The following SHISA9 variants were observed in gnomAD, a reference collection of about 807,000 sequenced individuals.
The protein encoded by SHISA9 is shisa family member 9.
Under a neutral mutation model 38.0 loss-of-function variants are expected in SHISA9, and 13 were observed. The ratio of observed to expected loss-of-function variants is 0.34; its 90% CI spans 0.22 to 0.54. The LOEUF (loss-of-function observed/expected upper bound fraction) is 0.54. Ranked by LOEUF, SHISA9 falls within the 20% of genes least tolerant of loss-of-function variation. The pLI, the probability that SHISA9 is intolerant of heterozygous loss-of-function variation, is 0.91. For synonymous variants in SHISA9, 275 were observed against 242.0 expected, an observed-to-expected ratio of 1.14 and a Z score of -1.27; for missense variants, 538 against 575.8, an observed-to-expected ratio of 0.93 and a Z score of 0.67.
intron 2 of SHISA9, among the ~76,000 whole-genome samples, chr16:13,126,852 A>AGAAAGAGAGAGAGACTGAGG (rs2050262503): frequency 1.0e-5 from 1 of 97,068 alleles, no homozygotes; most frequent in Non-Finnish European, 2.2e-5. Context: ...ACTGAGGGAA[A>AGAAAGAGAGAGAGACTGAGG]GAAAGAGAGA....
chr16:13,039,433 A>C (rs1017091094), intron 2 of SHISA9, among the ~76,000 whole-genome samples: 1 of 151,128 alleles, frequency 6.6e-6, no homozygotes, highest in African/African-American at 2.4e-5. Context: ...TCTCATCCCC[A>C]GCTTCATTAT....
intron 4 of SHISA9, among the ~76,000 whole-genome samples, chr16:13,224,626 C>G (rs1320678442): frequency 2.0e-5 from 3 of 152,234 alleles, no homozygotes; most frequent in Non-Finnish European, 2.9e-5. Flanking sequence ...GACACAACCT[C>G]TGCCCTAAGT....
At chr16:12,961,991 C>T (rs916901829) in intron 2 of SHISA9, among the ~76,000 whole-genome samples, 8 of 152,198 alleles carry the variant, frequency 5.3e-5, no homozygotes, top group Non-Finnish European at 8.8e-5. Flanking sequence ...GGATCAGTGT[C>T]TGTCCCTGTG....
chr16:13,509,823 C>T, the SHISA9 span, among the ~76,000 whole-genome samples: 1 of 152,094 alleles, frequency 6.6e-6, no homozygotes, highest in Admixed American at 6.6e-5. Flanking sequence ...TTATGTGATA[C>T]TGTTGTGAGC....
At chr16:13,093,677 C>A (rs1287541431) in intron 2 of SHISA9, among the ~76,000 whole-genome samples, 1 of 152,110 alleles carries the variant, frequency 6.6e-6, no homozygotes, top group Non-Finnish European at 1.5e-5. Flanking sequence ...TGTCCAGGCG[C>A]CCACATGTGC....
chr16:13,204,141 TCTATC>T (rs2051037579), intron 3 of SHISA9, among the ~76,000 whole-genome samples: 1 of 82,366 alleles, frequency 1.2e-5, no homozygotes. Flanking sequence ...CTATTATCTA[TCTATC>T]TATCTATCTA....
At chr16:13,056,358 A>C (rs757440855) in intron 2 of SHISA9, among the ~76,000 whole-genome samples, 1 of 152,162 alleles carries the variant, frequency 6.6e-6, no homozygotes, top group Non-Finnish European at 1.5e-5. Flanking sequence ...AAGTCAAATT[A>C]TGCAATAGAG....
At chr16:13,007,179 C>A (rs1432749922) in intron 2 of SHISA9, among the ~76,000 whole-genome samples, 1 of 152,214 alleles carries the variant, frequency 6.6e-6, no homozygotes, top group East Asian at 1.9e-4. Flanking sequence ...TCTCGCTTGA[C>A]CTCTGGACTT....
chr16:13,189,677 T>C (rs557531223), intron 2 of SHISA9, among the ~76,000 whole-genome samples: 1 of 152,334 alleles, frequency 6.6e-6, no homozygotes, highest in East Asian at 1.9e-4. Flanking sequence ...AGCTGAGACC[T>C]GAAAGATGGC....
chr16:13,336,634 T>G, the SHISA9 span, among the ~76,000 whole-genome samples: 289 of 152,310 alleles, frequency 1.9e-3, no homozygotes, highest in African/African-American at 6.6e-3. Flanking sequence ...ACACCTGCCT[T>G]TGGATAATCA....
chr16:12,930,324 T>C (rs184632060), intron 2 of SHISA9, among the ~76,000 whole-genome samples: 8 of 152,358 alleles, frequency 5.3e-5, no homozygotes, highest in Non-Finnish European at 8.8e-5. Context: ...GACTAAACCT[T>C]CAGTGCTGTT....
At chr16:13,332,939 G>T in the SHISA9 span, among the ~76,000 whole-genome samples, 2 of 152,162 alleles carry the variant, frequency 1.3e-5, no homozygotes, top group Admixed American at 1.3e-4. Context: ...AGCTGCTGCC[G>T]GAGCTGGTCT....
the SHISA9 span, among the ~76,000 whole-genome samples, chr16:13,428,313 A>C: frequency 6.6e-6 from 1 of 151,952 alleles, no homozygotes; most frequent in Admixed American, 6.6e-5. Context: ...GAGAGAGAGA[A>C]ATTCATTCAA....
intron 4 of SHISA9, among the ~76,000 whole-genome samples, chr16:13,223,233 C>G (rs1181379147): frequency 6.6e-6 from 1 of 151,922 alleles, no homozygotes; most frequent in African/African-American, 2.4e-5. Flanking sequence ...TTGAGACAGG[C>G]CTGGACAACA....
At chr16:12,970,144 AATAG>A (rs1209030529) in intron 2 of SHISA9, among the ~76,000 whole-genome samples, 2 of 150,184 alleles carry the variant, frequency 1.3e-5, no homozygotes, top group Non-Finnish European at 3.0e-5. Context: ...TAAAAAGAAT[AATAG>A]ATACTATCCT....
chr16:13,142,901 T>A (rs1396987762), intron 2 of SHISA9, among the ~76,000 whole-genome samples: 2 of 152,154 alleles, frequency 1.3e-5, no homozygotes, highest in Non-Finnish European at 2.9e-5. Flanking sequence ...TCCTTTTTTA[T>A]ATATTTAATG....
chr16:13,174,695 C>G (rs1451075307), intron 2 of SHISA9, among the ~76,000 whole-genome samples: 1 of 152,108 alleles, frequency 6.6e-6, no homozygotes, highest in African/African-American at 2.4e-5. Flanking sequence ...GGGTGAGGTG[C>G]AGAGGGAAGA....
At chr16:13,199,623 T>C (rs1033898792) in intron 2 of SHISA9, among the ~76,000 whole-genome samples, 6 of 152,244 alleles carry the variant, frequency 3.9e-5, no homozygotes, top group African/African-American at 1.4e-4. Context: ...AGAAAGATTT[T>C]CTCCACATGG....
the SHISA9 span, among the ~76,000 whole-genome samples, chr16:13,270,102 C>A: frequency 6.6e-6 from 1 of 152,196 alleles, no homozygotes; most frequent in Non-Finnish European, 1.5e-5. Context: ...TTACATGGAG[C>A]AATGCCCTGC....
Sources: allele counts gnomAD v4.1 joint callset (sites outside exome capture counted in the v4.1 genomes callset), GRCh38; gene constraint gnomAD v4.1.1; transcripts MANE v1.5; gene names NCBI Gene and HGNC (gene_info 2026-07-23, HGNC 2026-07-21).